BCHE: variants seen among roughly 807,000 people sequenced by gnomAD.
The protein encoded by BCHE is cholinesterase.
BCHE carries 48 observed loss-of-function variants against 51.3 expected under a neutral mutation model. The observed-to-expected ratio is 0.94, with a 90% CI of 0.74 to 1.19. The LOEUF is 1.19. Ranked by LOEUF, BCHE falls within the 50% of genes most tolerant of loss-of-function variation. BCHE has a pLI of 0.00. For synonymous variants in BCHE, 251 were observed against 238.0 expected, an observed-to-expected ratio of 1.05 and a Z score of -0.50; for missense variants, 847 against 708.2, an observed-to-expected ratio of 1.20 and a Z score of -2.23.
In BCHE at chr3:165,797,271, T is replaced by TTCCCTCCTTCCC. The variant is rs1713441086; in HGVS notation, c.1518-10961_1518-10960insGGGAAGGAGGGA. ...TTCCTTCCCTCCTTCCCTTCCTTCC[T>TTCCCTCCTTCCC]TCCTTCCTTCCTCCCTCCTTCCTCC... On this transcript the variant is annotated intron_variant, in intron 2 of 3. Transcript: ENST00000264381. Among the ~76,000 whole-genome samples, 3 of 11,242 alleles carry TTCCCTCCTTCCC rather than the reference T, an allele frequency of 2.7e-4. 1 individual carries two copies. Among genetic ancestry groups the TTCCCTCCTTCCC allele is most frequent in the Non-Finnish European group, 3.6e-4 (2 of 5,572 alleles). The allele number at this position is 11,242 out of a possible 152,430, so 7.4% of individuals were successfully genotyped here.
chr3:165,783,338 T>C (rs748348349), intron 3 of BCHE, among the ~76,000 whole-genome samples: 3 of 152,266 alleles, frequency 2.0e-5, no homozygotes, highest in South Asian at 2.1e-4. Context: ...TCATGTAGTT[T>C]AAAGTGGAAC....
At chr3:165,807,693 T>C (rs1254625109) in intron 2 of BCHE, among the ~76,000 whole-genome samples, 1 of 151,872 alleles carries the variant, frequency 6.6e-6, no homozygotes, top group Non-Finnish European at 1.5e-5. Context: ...TACCTGGGAC[T>C]ACAGGCACAT....
intron 2 of BCHE, among the ~76,000 whole-genome samples, chr3:165,810,660 G>A (rs935626920): frequency 1.3e-5 from 2 of 152,092 alleles, no homozygotes; most frequent in Non-Finnish European, 2.9e-5. Context: ...CATTGTGTTC[G>A]TTAGCTCTGT....
chr3:165,786,193 G>A lies in BCHE; in HGVS notation c.1636C>T (p.Gln546Ter). The A allele has an allele frequency of 6.2e-7, 1 of 1,612,280 alleles. No homozygotes were observed. ...TRIMTKLRAQ[Q>*]CRFWTSFFPK... ...AAAAATGATGTCCAGAATCGACATT[G>A]TTGAGCACGTAGTTTCGTCATTATT... is the stretch of plus-strand genomic sequence containing the variant. The change falls in exon 3 of 4, where the codon CAA (glutamine) becomes TAA (stop). Residue 546 changes from glutamine (Q) to a stop codon, truncating the protein, a stop_gained. Coordinates refer to ENST00000264381, the MANE Select transcript of BCHE (RefSeq NM_000055.4). LOFTEE classifies it high-confidence loss of function.
chr3:165,826,016 G>A (rs990616343), intron 2 of BCHE, among the ~76,000 whole-genome samples: 1 of 152,068 alleles, frequency 6.6e-6, no homozygotes, highest in Non-Finnish European at 1.5e-5. Flanking sequence ...CTGAAGATGT[G>A]AAACAAGTGG....
intron 3 of BCHE, among the ~76,000 whole-genome samples, chr3:165,782,429 A>G (rs1712743644): frequency 6.6e-6 from 1 of 152,104 alleles, no homozygotes; most frequent in Admixed American, 6.6e-5. Context: ...ATTTATAAAC[A>G]CATTGGCATA....
chr3:165,829,717 T>A lies in BCHE; in HGVS notation c.1317A>T (p.Glu439Asp), dbSNP rs1251877579. ...PALEFTKKFSEWGNNAFFYYF... is the reference protein window; with the variant it reads ...PALEFTKKFSDWGNNAFFYYF... ...AGTAGAAAAAGGCATTATTTCCCCA[T>A]TCTGAGAACTTCTTGGTGAACTCCA... Residue 439 changes from glutamate to aspartate, a missense_variant, in exon 2 of 4, where the codon GAA becomes GAT. By Grantham distance (45) the Glu-to-Asp change is conservative. Transcript: ENST00000264381. 1 of 1,613,892 alleles carries A rather than the reference T, an allele frequency of 6.2e-7. No homozygotes were observed. The highest frequency in any genetic ancestry group is 1.7e-5 in the Admixed American group (1 of 59,946).
chr3:165,819,077 T>A (rs1714415276), intron 2 of BCHE, among the ~76,000 whole-genome samples: 1 of 150,448 alleles, frequency 6.6e-6, no homozygotes, highest in Admixed American at 6.6e-5. Context: ...TTAACTTCTT[T>A]TTTTTTTTTT....
At position 165,787,174 on chromosome 3, in the gene BCHE, G is replaced by A. The variant is rs141337963; in HGVS notation, c.1518-863C>T. Among the ~76,000 whole-genome samples, 11 of 151,594 alleles carry A rather than the reference G, an allele frequency of 7.3e-5. No individual in the cohort carries two copies. The East Asian group carries it at 1.9e-3, about 27-fold the overall frequency. On this transcript the variant is annotated intron_variant, in intron 2 of 3. Transcript: ENST00000264381. ...TGTTATTTGAAAATGAATAACTGTC[G>A]ACTCTATCTTTTCAATATCTACAGT...
At chr3:165,788,230 C>T (rs1254581443) in intron 2 of BCHE, among the ~76,000 whole-genome samples, 2 of 151,920 alleles carry the variant, frequency 1.3e-5, no homozygotes, top group Non-Finnish European at 2.9e-5. Context: ...CCATCAAGAA[C>T]TTATATTGAA....
intron 2 of BCHE, among the ~76,000 whole-genome samples, chr3:165,819,510 C>T (rs1172189911): frequency 6.6e-6 from 1 of 152,010 alleles, no homozygotes; most frequent in Non-Finnish European, 1.5e-5. Flanking sequence ...CTAGGAAGTA[C>T]ATTCCTTCAT....
chr3:165,835,195 T>C (rs1715147878), intron 1 of BCHE, among the ~76,000 whole-genome samples: 2 of 55,268 alleles, frequency 3.6e-5, no homozygotes, highest in Admixed American at 4.7e-4. Context: ...AGGTGACAAA[T>C]CTTTTTTTGT....
chr3:165,827,120 C>T (rs2108232529), intron 2 of BCHE, among the ~76,000 whole-genome samples: 1 of 152,196 alleles, frequency 6.6e-6, no homozygotes, highest in Non-Finnish European at 1.5e-5. Flanking sequence ...GTTTCCACTG[C>T]CGTTCACTTA....
At chr3:165,791,890 G>A (rs1278087957) in intron 2 of BCHE, among the ~76,000 whole-genome samples, 1 of 152,078 alleles carries the variant, frequency 6.6e-6, no homozygotes, top group Non-Finnish European at 1.5e-5. Context: ...AGAGGTTGCA[G>A]TGAACTGAGA....
At chr3:165,778,582 C>A (rs1003532899) in intron 3 of BCHE, 4 of 358,360 alleles carry the variant, frequency 1.1e-5, no homozygotes, top group African/African-American at 6.2e-5. Flanking sequence ...TTTGCCTTCA[C>A]ATTGAGATTC....
rs756863360 is a variant in BCHE at position 165,830,877 on chromosome 3, C to A, written c.157G>T (p.Val53Leu). Residue 53 changes from valine to leucine, a missense_variant, in exon 2 of 4, where the codon GTA (valine) becomes TTA (leucine). By Grantham distance (32) the Val-to-Leu change is conservative. Transcript: ENST00000264381. ...GMNLTVFGGT[V>L]TAFLGIPYAQ... is the part of the protein sequence containing the mutation. ...TAGGGAATTCCAAGAAAGGCTGTTA[C>A]CGTGCCACCAAAAACTGTCAAGTTC... The A allele has an allele frequency of 3.1e-6, 5 of 1,613,928 alleles. No individual in the cohort carries two copies. In the South Asian group the frequency reaches 5.5e-5, roughly 18 times the overall value.
chr3:165,810,348 A>G (rs1714046485), intron 2 of BCHE, among the ~76,000 whole-genome samples: 1 of 152,156 alleles, frequency 6.6e-6, no homozygotes. Flanking sequence ...TGCCCACTCA[A>G]AATATCTCAA....
At chr3:165,823,434 G>T (rs944574687) in intron 2 of BCHE, among the ~76,000 whole-genome samples, 1 of 151,898 alleles carries the variant, frequency 6.6e-6, no homozygotes, top group Non-Finnish European at 1.5e-5. Context: ...ATACTGGACA[G>T]AACAAACAAG....
At chr3:165,785,892 T>G (rs1022562804) in intron 3 of BCHE, among the ~76,000 whole-genome samples, 2 of 151,786 alleles carry the variant, frequency 1.3e-5, no homozygotes, top group Non-Finnish European at 3.0e-5. Context: ...CTATTTTATA[T>G]TTCCACAGGG....
Sources: gnomAD v4.1 joint callset for allele counts (sites outside exome capture counted in the v4.1 genomes callset) on GRCh38, gnomAD v4.1.1 for gene constraint, MANE v1.5 for transcripts, NCBI Gene and HGNC (gene_info 2026-07-23, HGNC 2026-07-21) for gene names.